The following KDM5B variants were observed in gnomAD, a reference collection of about 807,000 sequenced individuals.
KDM5B encodes the protein lysine-specific demethylase 5B.
In KDM5B, 144 loss-of-function variants were observed where a neutral mutation model predicts 193.4. That is an observed-to-expected ratio of 0.74 (90% CI 0.65 to 0.86). KDM5B has a LOEUF of 0.86. KDM5B is among the 40% of genes least tolerant of loss of function. The probability of loss-of-function intolerance (pLI) is 0.00; values close to 1 mark genes in which losing one functional copy is unlikely to be tolerated. For synonymous variants in KDM5B, 668 were observed against 682.6 expected (o/e 0.98, Z 0.33); for missense variants, 1,833 against 1,886.9 (o/e 0.97, Z 0.53).
chr1:202,757,103 G>C (rs948453907), intron 9 of KDM5B, among the ~76,000 whole-genome samples: 21 of 152,126 alleles, frequency 1.4e-4, no homozygotes, highest in South Asian at 2.1e-4. Flanking sequence ...AGGTGGGGGG[G>C]GGATTAGATT....
chr1:202,755,503 C>A, intron 10 of KDM5B, 51 bp from the exon 11 acceptor site: 1 of 1,361,612 alleles, frequency 7.3e-7, no homozygotes, highest in Non-Finnish European at 1.0e-6. Flanking sequence ...ACAATGCTAA[C>A]GTTTTAGAAG....
chr1:202,729,618 G>A (rs1654798661), intron 26 of KDM5B, 89 bp downstream of exon 26: 5 of 1,106,590 alleles, frequency 4.5e-6, no homozygotes, highest in Non-Finnish European at 6.4e-6. Flanking sequence ...CAGATAAGCA[G>A]AGGAGAAAGA....
intron 4 of KDM5B, chr1:202,767,307 TA>T: frequency 6.2e-7 from 1 of 1,609,242 alleles, no homozygotes; most frequent in East Asian, 2.2e-5. Context: ...ACATCTTAGC[TA>T]GTAACGACCA....
chr1:202,776,291 C>T (rs1482308908), intron 2 of KDM5B: 3 of 152,056 alleles, frequency 2.0e-5, no homozygotes, highest in Non-Finnish European at 4.4e-5. Flanking sequence ...TACCACGTGA[C>T]AGACAAAGAA....
At chr1:202,802,971 G>T (rs1448908727) in intron 1 of KDM5B, among the ~76,000 whole-genome samples, 1 of 152,092 alleles carries the variant, frequency 6.6e-6, no homozygotes, top group Non-Finnish European at 1.5e-5. Context: ...ACTTTGGGAG[G>T]CCAAAGCGGG....
chr1:202,783,224 C>T (rs558645801), intron 1 of KDM5B, among the ~76,000 whole-genome samples: 10 of 151,974 alleles, frequency 6.6e-5, no homozygotes, highest in Non-Finnish European at 1.2e-4. Context: ...GTGGAGATTG[C>T]GCCATTGCAC....
intron 11 of KDM5B, among the ~76,000 whole-genome samples, chr1:202,753,675 G>T (rs12134388): frequency 0.43 from 36,864 of 86,668 alleles, 6,560 homozygotes; most frequent in Non-Finnish European, 0.52. Flanking sequence ...TTTTTTTTTT[G>T]TTTTTTTTTT....
At chr1:202,804,144 A>G (rs1167807010) in intron 1 of KDM5B, among the ~76,000 whole-genome samples, 7 of 152,152 alleles carry the variant, frequency 4.6e-5, no homozygotes, top group Non-Finnish European at 8.8e-5. Context: ...AGGGAGATGA[A>G]AATGTTCTAC....
At chr1:202,777,250 G>A (rs1427330379) in intron 1 of KDM5B, among the ~76,000 whole-genome samples, 156 bp from the exon 2 acceptor site, 1 of 150,570 alleles carries the variant, frequency 6.6e-6, no homozygotes, top group Non-Finnish European at 1.5e-5. Flanking sequence ...TTGTCCATGA[G>A]AGCAGCAAAA....
rs1455984307 is a variant in KDM5B, at chr1:202,774,710, A to C, written c.308T>G (p.Phe103Cys). The C allele has an allele frequency of 6.2e-7, 1 of 1,613,538 alleles. No individual in the cohort carries two copies. The highest frequency in any genetic ancestry group is 1.7e-5 in the Admixed American group (1 of 59,978). ...CCAGTACTTTGCAATCTGGTCCAAG[A>C]AATTCAATTTTACACGAGTTTGGGC... ...LEAQTRVKLN[F>C]LDQIAKYWEL... is the part of the protein sequence containing the mutation. The change falls in exon 3 of 27, where the codon TTC becomes TGC. Residue 103 changes from phenylalanine to cysteine, a missense_variant. This residue lies in a region of KDM5B where 355 missense variants were observed against 374.9 expected (regional missense o/e 0.95). Coordinates refer to ENST00000367265, the MANE Select transcript of KDM5B (RefSeq NM_006618.5).
intron 8 of KDM5B, among the ~76,000 whole-genome samples, chr1:202,760,199 A>G (rs1656190311): frequency 1.7e-5 from 1 of 60,222 alleles, no homozygotes; most frequent in South Asian, 4.7e-4. Context: ...CTGTAGTCCC[A>G]GCTACGTGGG....
chr1:202,728,871 C>T lies in KDM5B; in HGVS notation c.*165G>A. 1 of 790,146 alleles carries T rather than the reference C, an allele frequency of 1.3e-6. No homozygotes were observed. 48.9% of individuals were successfully genotyped at this position (790,146 alleles called of 1,614,324 possible). ...TCAAAAATTTTTTTAGTTGTTTTTTCTTTTCTTCAAAGAGTCCTGGAAAAA... is the reference window on the plus strand; with the variant it reads ...TCAAAAATTTTTTTAGTTGTTTTTTTTTTTCTTCAAAGAGTCCTGGAAAAA... On this transcript the variant is annotated 3_prime_UTR_variant, in exon 27 of 27. Transcript: ENST00000367265.
At chr1:202,778,426 T>TGAAA (rs1409544184) in intron 1 of KDM5B, among the ~76,000 whole-genome samples, 2 of 152,100 alleles carry the variant, frequency 1.3e-5, no homozygotes, top group Non-Finnish European at 2.9e-5. Context: ...GGGATAATGA[T>TGAAA]GAAAGGGTCT....
chr1:202,756,616 A>G (rs1367595347), intron 9 of KDM5B, 100 bp from the exon 10 acceptor site: 1 of 880,234 alleles, frequency 1.1e-6, no homozygotes, highest in African/African-American at 1.7e-5. Flanking sequence ...CTAAGGAAAA[A>G]TTGTGTCTAT....
rs1385020808 is a variant in KDM5B, at chr1:202,733,702, C to A, written c.3608G>T (p.Cys1203Phe). The A allele has an allele frequency of 2.5e-6, 4 of 1,614,022 alleles. No individual in the cohort carries two copies. Among genetic ancestry groups the A allele is most frequent in the Admixed American group, 1.7e-5 (1 of 59,996 alleles). The stretch of plus-strand genomic sequence containing the variant: ...CTGTGAAATACTGGGTACCGCCACA[C>A]AACTGGTGTGGAAAGCATCCCTGCA... ...ELCRDAFHTS[C>F]VAVPSISQGL... Residue 1203 changes from cysteine (C) to phenylalanine (F), a missense_variant, in exon 23 of 27, where the codon TGT becomes TTT. By Grantham distance (205) the Cys-to-Phe change is radical (BLOSUM62 -2). Coordinates refer to ENST00000367265, the MANE Select transcript of KDM5B (RefSeq NM_006618.5).
intron 11 of KDM5B, among the ~76,000 whole-genome samples, chr1:202,754,775 C>T (rs367602134): frequency 8.5e-5 from 13 of 152,208 alleles, no homozygotes; most frequent in Non-Finnish European, 1.9e-4. Flanking sequence ...ACCTCTGCCT[C>T]CCAGGATCAA....
Position 202,756,394 on chromosome 1 carries a change from G to A in KDM5B, c.1320C>T (p.Val440=). 6.2e-7 allele frequency: 1 copy of A among 1,612,466 alleles called. No individual in the cohort carries two copies. Among genetic ancestry groups the A allele is most frequent in the Non-Finnish European group, 8.5e-7 (1 of 1,179,212 alleles). Residue 440 remains valine (V), a synonymous_variant, in exon 10 of 27, where the codon GTC becomes GTT. Coordinates refer to ENST00000367265, the MANE Select transcript of KDM5B (RefSeq NM_006618.5). ...ASKEFGSGFP[V]RDGKIKLSPE... ...GTGAGAGTTTGATTTTCCCATCTCGGACAGGAAAGCCACTGCCAAATTCCT... is the reference window on the plus strand; with the variant it reads ...GTGAGAGTTTGATTTTCCCATCTCGAACAGGAAAGCCACTGCCAAATTCCT...
At chr1:202,748,553 AC>A (rs1393823920) in intron 14 of KDM5B, among the ~76,000 whole-genome samples, 1 of 151,882 alleles carries the variant, frequency 6.6e-6, no homozygotes, top group Non-Finnish European at 1.5e-5. Flanking sequence ...AAGAATTATT[AC>A]AAAAACCAAA....
Position 202,742,515 on chromosome 1 carries a change from C to T in KDM5B, c.2475-10G>A, listed in dbSNP as rs780707441. On this transcript the variant is annotated splice_polypyrimidine_tract_variant and intron_variant, in intron 17 of 26. Coordinates refer to ENST00000367265, the MANE Select transcript of KDM5B (RefSeq NM_006618.5). ...TCCACCAGATCGATATCTGTAAAGA[C>T]AAAGGCCCAAGGAAGCCATATAAGA... 23 of 1,612,424 alleles carry T rather than the reference C, an allele frequency of 1.4e-5. No homozygotes were observed. Among genetic ancestry groups the T allele is most frequent in the Non-Finnish European group, 2.0e-5 (23 of 1,178,844 alleles).
Sources: gnomAD v4.1 joint callset for allele counts (sites outside exome capture counted in the v4.1 genomes callset) on GRCh38, gnomAD v4.1.1 for gene constraint, gnomAD v4.1.1 regional missense constraint, MANE v1.5 for transcripts, NCBI Gene and HGNC (gene_info 2026-07-23, HGNC 2026-07-21) for gene names.